APBB2: variants seen among roughly 807,000 people sequenced by gnomAD.
The protein encoded by APBB2 is Fe65-like 1.
In APBB2, 38 loss-of-function variants were observed where a neutral mutation model predicts 82.5. The ratio of observed to expected loss-of-function variants is 0.46; its 90% CI spans 0.36 to 0.60. APBB2 has a LOEUF of 0.60. Among genes scored for constraint, APBB2 ranks in the 20% least tolerant of loss-of-function variants. The probability of loss-of-function intolerance (pLI) is 0.00; values close to 1 mark genes in which losing one functional copy is unlikely to be tolerated. For missense variants in APBB2, 772 were observed against 972.3 expected (o/e 0.79, Z 2.74); for synonymous variants, 341 against 368.2 (o/e 0.93, Z 0.85).
chr4:40,829,726 C>T (rs1751218712), intron 13 of APBB2, among the ~76,000 whole-genome samples: 1 of 152,246 alleles, frequency 6.6e-6, no homozygotes, highest in East Asian at 1.9e-4. Context: ...GGCTGTTATG[C>T]TGGTGGGAGG....
At chr4:40,972,445 T>TAATAATAAATAAATATATA (rs1560420968) in intron 6 of APBB2, among the ~76,000 whole-genome samples, 6 of 146,998 alleles carry the variant, frequency 4.1e-5, no homozygotes, top group African/African-American at 1.5e-4. Context: ...AAAAAAATAA[T>TAATAATAAATAAATATATA]AATAAATAAA....
intron 1 of APBB2, among the ~76,000 whole-genome samples, chr4:41,186,747 CTAT>C (rs1313656575): frequency 2.0e-5 from 3 of 152,170 alleles, no homozygotes; most frequent in East Asian, 3.8e-4. Context: ...TAATACAGCA[CTAT>C]TATTATTACT....
At chr4:41,073,930 G>A (rs1734733881) in intron 3 of APBB2, among the ~76,000 whole-genome samples, 1 of 152,170 alleles carries the variant, frequency 6.6e-6, no homozygotes, top group Admixed American at 6.5e-5. Context: ...CCTGGGCAAT[G>A]TAGCAAGACC....
chr4:40,811,281 A>T lies in APBB2; in HGVS notation c.*4811T>A, dbSNP rs1158848948. ...GAAAAGAATTTTGGATAAAAGCAAT[A>T]TGAGGCCGGACGTGGTGGCTCACAT... On this transcript the variant is annotated 3_prime_UTR_variant, in exon 18 of 18. Transcript: ENST00000508593. 1.3e-5 allele frequency: 2 copies of T among 152,196 alleles called. No homozygotes were observed. The highest frequency in any genetic ancestry group is 2.9e-5 in the Non-Finnish European group (2 of 68,038). 9.4% of individuals were successfully genotyped at this position (152,196 alleles called of 1,614,324 possible).
chr4:41,030,113 A>C lies in APBB2; in HGVS notation c.19+3123T>G, dbSNP rs549248154. Among the ~76,000 whole-genome samples, 11 of 152,240 alleles carry C rather than the reference A, an allele frequency of 7.2e-5. No individual in the cohort carries two copies. In the East Asian group the frequency reaches 2.1e-3, roughly 29 times the overall value. ...GAAGGTTGCAGTGAGCTGAGGTCGC[A>C]CCACCGCACTCCAGCCTGGGCGACA... On this transcript the variant is annotated intron_variant, in intron 5 of 17. Coordinates refer to ENST00000508593, the MANE Select transcript of APBB2 (RefSeq NM_004307.2).
At chr4:41,120,055 G>A (rs146040909) in intron 2 of APBB2, among the ~76,000 whole-genome samples, 1 of 152,208 alleles carries the variant, frequency 6.6e-6, no homozygotes, top group African/African-American at 2.4e-5. Context: ...TGAGGAAAAC[G>A]GAGGCTTACG....
chr4:41,174,657 A>G (rs1053313426), intron 1 of APBB2, among the ~76,000 whole-genome samples: 2 of 152,134 alleles, frequency 1.3e-5, no homozygotes, highest in African/African-American at 2.4e-5. Context: ...TAAGTATCTG[A>G]CTCGCTTCAT....
chr4:41,087,996 C>T (rs941947500), intron 3 of APBB2, among the ~76,000 whole-genome samples: 2 of 152,146 alleles, frequency 1.3e-5, no homozygotes, highest in Admixed American at 6.5e-5. Flanking sequence ...TAACCGTCAC[C>T]TTCAGATACA....
intron 10 of APBB2, among the ~76,000 whole-genome samples, chr4:40,908,720 GC>G (rs1025327108): frequency 1.1e-4 from 17 of 152,274 alleles, no homozygotes; most frequent in Admixed American, 8.5e-4. Context: ...GTACTTCAAA[GC>G]CCACCAGCTC....
chr4:41,032,778 C>CTTTTTTTTTTTTTTTTTTTTT (rs11421268), intron 5 of APBB2, among the ~76,000 whole-genome samples: 2 of 84,318 alleles, frequency 2.4e-5, no homozygotes, highest in African/African-American at 4.7e-5. Context: ...ATTTTTCTTT[C>CTTTTTTTTTTTTTTTTTTTTT]TTTTTTTTTT....
chr4:40,942,697 C>T (rs1283424631), intron 7 of APBB2, among the ~76,000 whole-genome samples: 1 of 152,076 alleles, frequency 6.6e-6, no homozygotes, highest in Non-Finnish European at 1.5e-5. Flanking sequence ...GTGTGCCCTT[C>T]TGAGCCTGGG....
chr4:41,214,278 G>A (rs1410328377), intron 1 of APBB2, 127 bp downstream of exon 1: 1 of 152,300 alleles, frequency 6.6e-6, no homozygotes, highest in Non-Finnish European at 1.5e-5. Flanking sequence ...GCCGGGAGCA[G>A]AGGAGAAGCC....
intron 12 of APBB2, among the ~76,000 whole-genome samples, chr4:40,866,748 C>T (rs1392694305): frequency 6.6e-6 from 1 of 152,092 alleles, no homozygotes; most frequent in East Asian, 1.9e-4. Flanking sequence ...GACAGAGTCT[C>T]GCTCTGTCAC....
intron 12 of APBB2, among the ~76,000 whole-genome samples, chr4:40,851,910 G>T (rs1414962485): frequency 2.0e-5 from 3 of 151,850 alleles, no homozygotes; most frequent in African/African-American, 7.3e-5. Context: ...TAAGGAAATG[G>T]CTTCTCTAGC....
chr4:40,854,884 GCA>G (rs1207396933), intron 12 of APBB2, among the ~76,000 whole-genome samples: 4 of 152,076 alleles, frequency 2.6e-5, no homozygotes, highest in African/African-American at 9.6e-5. Context: ...CAAGGAGGCT[GCA>G]TGACTGATAG....
At chr4:40,966,027 T>C (rs1160757768) in intron 6 of APBB2, among the ~76,000 whole-genome samples, 1 of 152,204 alleles carries the variant, frequency 6.6e-6, no homozygotes, top group Non-Finnish European at 1.5e-5. Context: ...ACACAAAGAA[T>C]ATCCTAATAT....
chr4:41,025,440 C>T (rs1159547054), intron 5 of APBB2, among the ~76,000 whole-genome samples: 1 of 151,994 alleles, frequency 6.6e-6, no homozygotes, highest in Non-Finnish European at 1.5e-5. Context: ...TTGTGGAAAG[C>T]AGTGTGGCGA....
Position 40,859,487 on chromosome 4 carries a change from G to A in APBB2, c.1530-28910C>T, listed in dbSNP as rs150639184. The stretch of plus-strand genomic sequence containing the variant: ...CCCAAAGTGCTGGGATTAGAGGCAT[G>A]AGCCACCGCACCCGGCCTGCAGTAG... On this transcript the variant is annotated intron_variant, in intron 12 of 17. Transcript: ENST00000508593. 4.6e-5 allele frequency among the ~76,000 whole-genome samples: 7 copies of A among 152,198 alleles called. No individual in the cohort carries two copies. The East Asian group carries it at 1.4e-3, about 29-fold the overall frequency.
At chr4:40,916,566 T>A (rs750153807) in intron 10 of APBB2, among the ~76,000 whole-genome samples, 1 of 152,168 alleles carries the variant, frequency 6.6e-6, no homozygotes, top group Non-Finnish European at 1.5e-5. Context: ...TGTAGACTTA[T>A]GTGGTTGGAT....
Sources: gnomAD v4.1 joint callset for allele counts (sites outside exome capture counted in the v4.1 genomes callset) on GRCh38, gnomAD v4.1.1 for gene constraint, MANE v1.5 for transcripts, NCBI Gene and HGNC (gene_info 2026-07-23, HGNC 2026-07-21) for gene names.